The following TSHZ2 variants were observed in gnomAD, a reference collection of about 807,000 sequenced individuals.
TSHZ2 encodes teashirt homolog 2.
In TSHZ2, 21 loss-of-function variants were observed where a neutral mutation model predicts 74.4. The ratio of observed to expected loss-of-function variants is 0.28; its 90% confidence interval spans 0.20 to 0.41. The LOEUF (loss-of-function observed/expected upper bound fraction) is 0.41. TSHZ2 is among the 10% of genes least tolerant of loss of function. The probability of loss-of-function intolerance (pLI) is 1.00; values close to 1 mark genes in which losing one functional copy is unlikely to be tolerated. For missense variants in TSHZ2, 1,244 were observed against 1,293.5 expected (o/e 0.96, Z 0.59); for synonymous variants, 540 against 515.3 (o/e 1.05, Z -0.65).
chr20:53,483,307 C>T (rs1480437964), intron 2 of TSHZ2, among the ~76,000 whole-genome samples: 1 of 152,100 alleles, frequency 6.6e-6, no homozygotes, highest in African/African-American at 2.4e-5. Flanking sequence ...CCCAGCTTTT[C>T]AGGAGGCTGA....
intron 1 of TSHZ2, among the ~76,000 whole-genome samples, chr20:53,220,578 G>A (rs1400846894): frequency 6.6e-6 from 1 of 152,130 alleles, no homozygotes; most frequent in Non-Finnish European, 1.5e-5. Flanking sequence ...CATTGTCTAT[G>A]GCTGGTATCA....
intron 2 of TSHZ2, among the ~76,000 whole-genome samples, chr20:53,441,414 C>T (rs1330233378): frequency 1.3e-5 from 2 of 150,718 alleles, no homozygotes; most frequent in South Asian, 2.1e-4. Flanking sequence ...TATAGGCACC[C>T]GCCACCAAAA....
intron 1 of TSHZ2, among the ~76,000 whole-genome samples, chr20:53,132,027 C>G (rs1319587945): frequency 6.6e-6 from 1 of 152,030 alleles, no homozygotes; most frequent in Non-Finnish European, 1.5e-5. Context: ...CAGGCGGTAG[C>G]CAGGAGCACC....
intron 2 of TSHZ2, among the ~76,000 whole-genome samples, chr20:53,376,627 A>G (rs964822593): frequency 6.6e-6 from 1 of 152,246 alleles, no homozygotes; most frequent in African/African-American, 2.4e-5. Context: ...CTTTACTTCC[A>G]GTTGGATTTC....
intron 1 of TSHZ2, among the ~76,000 whole-genome samples, chr20:53,198,556 T>C (rs1240168426): frequency 6.6e-6 from 1 of 152,196 alleles, no homozygotes; most frequent in African/African-American, 2.4e-5. Flanking sequence ...CCAAGTCAAA[T>C]GGGAAATTTT....
chr20:53,185,405 T>A, intron 1 of TSHZ2: 1 of 1,262,088 alleles, frequency 7.9e-7, no homozygotes, highest in Non-Finnish European at 1.0e-6. Context: ...CCAGGCGAGG[T>A]GGTTCAAGCC....
chr20:53,237,199 T>C (rs1013514469), intron 1 of TSHZ2, among the ~76,000 whole-genome samples: 2 of 152,194 alleles, frequency 1.3e-5, no homozygotes, highest in African/African-American at 4.8e-5. Context: ...CAAACAGGGT[T>C]CTTATGAAGT....
At chr20:53,204,848 G>A (rs181482672) in intron 1 of TSHZ2, among the ~76,000 whole-genome samples, 225 of 152,110 alleles carry the variant, frequency 1.5e-3, no homozygotes, top group African/African-American at 5.1e-3. Context: ...TTGGGAGGCC[G>A]AGGCGGGCGG....
chr20:53,487,367 G>A lies in TSHZ2; in HGVS notation c.*232G>A, dbSNP rs1986317233. On this transcript the variant is annotated 3_prime_UTR_variant, in exon 3 of 3. Coordinates refer to ENST00000371497, the MANE Select transcript of TSHZ2 (RefSeq NM_173485.6). ...TATTGATTTCCACTTCTCTGCTTAT[G>A]GGCGGTATTAGATTTTCATTGATAA... is the stretch of plus-strand genomic sequence containing the variant. 1.3e-5 allele frequency: 2 copies of A among 151,820 alleles called. No individual in the cohort carries two copies. The highest frequency in any genetic ancestry group is 2.9e-5 in the Non-Finnish European group (2 of 67,982). 9.4% of individuals were successfully genotyped at this position (151,820 alleles called of 1,614,324 possible).
intron 1 of TSHZ2, among the ~76,000 whole-genome samples, chr20:53,090,815 G>A (rs1019478685): frequency 3.3e-5 from 5 of 152,202 alleles, no homozygotes; most frequent in Admixed American, 6.5e-5. Context: ...ACACTCCTAA[G>A]CTTCAAGCCT....
chr20:53,474,052 G>A (rs558198180), intron 2 of TSHZ2, among the ~76,000 whole-genome samples: 1 of 150,954 alleles, frequency 6.6e-6, no homozygotes, highest in East Asian at 2.0e-4. Context: ...GAAAGCGATG[G>A]AGAGAATGGA....
chr20:53,458,868 C>T (rs1386939712), intron 2 of TSHZ2, among the ~76,000 whole-genome samples: 29 of 151,964 alleles, frequency 1.9e-4, no homozygotes, highest in African/African-American at 3.4e-4. Context: ...TGTAGTTGAG[C>T]GGTTTTGAGT....
chr20:53,343,472 A>C (rs1452753855), intron 2 of TSHZ2, among the ~76,000 whole-genome samples: 1 of 152,170 alleles, frequency 6.6e-6, no homozygotes, highest in Admixed American at 6.5e-5. Context: ...AAATCTAGGC[A>C]CTGAGAAATC....
rs865956833 is a variant in TSHZ2, at chr20:53,473,670, G to A, written c.*9-13474G>A. On this transcript the variant is annotated intron_variant, in intron 2 of 2. Transcript: ENST00000371497. ...AAGCTGGATGGAGAATGACTTTGAC[G>A]AGCTGAGAGAAAAAGGCTTCAGACG... Among the ~76,000 whole-genome samples, 372 of 151,558 alleles carry A rather than the reference G, an allele frequency of 2.5e-3. 1 individual carries two copies. Among genetic ancestry groups the A allele is most frequent in the African/African-American group, 8.7e-3 (360 of 41,168 alleles).
rs1015581134 is a variant in TSHZ2, at chr20:53,120,172, A to T, written c.41-133327A>T. Among the ~76,000 whole-genome samples the T allele has an allele frequency of 2.0e-5, 3 of 152,206 alleles. No individual in the cohort carries two copies. In the South Asian group the frequency reaches 6.2e-4, roughly 31 times the overall value. On this transcript the variant is annotated intron_variant, in intron 1 of 2. Transcript: ENST00000371497. ...CCTTTCTTTCCCTTCTCCACATGGA[A>T]TGAGCATGAATATGAATCCGTGGAT...
chr20:53,138,560 T>C (rs897120611), intron 1 of TSHZ2, among the ~76,000 whole-genome samples: 1 of 152,130 alleles, frequency 6.6e-6, no homozygotes, highest in Non-Finnish European at 1.5e-5. Flanking sequence ...AGTCCTTTCA[T>C]ATTTGTGCTC....
chr20:53,297,343 A>G (rs1991398143), intron 2 of TSHZ2, among the ~76,000 whole-genome samples: 1 of 142,276 alleles, frequency 7.0e-6, no homozygotes, highest in Non-Finnish European at 1.5e-5. Context: ...TTGACCTCCC[A>G]GGATCAGGCG....
intron 2 of TSHZ2, among the ~76,000 whole-genome samples, chr20:53,379,330 C>A (rs958361467): frequency 6.6e-6 from 1 of 152,124 alleles, no homozygotes. Flanking sequence ...TGAAATGAGC[C>A]GTGATTGTGC....
At chr20:53,122,768 G>A (rs1025277344) in intron 1 of TSHZ2, among the ~76,000 whole-genome samples, 1 of 152,172 alleles carries the variant, frequency 6.6e-6, no homozygotes, top group Non-Finnish European at 1.5e-5. Context: ...TGGGATGTTG[G>A]CTTCCATTCA....
Sources: allele counts gnomAD v4.1 joint callset (sites outside exome capture counted in the v4.1 genomes callset), GRCh38; gene constraint gnomAD v4.1.1; transcripts MANE v1.5; gene names NCBI Gene and HGNC (gene_info 2026-07-23, HGNC 2026-07-21).